The following IGSF11 variants were observed in gnomAD, a reference collection of about 807,000 sequenced individuals.
IGSF11 encodes immunoglobulin superfamily member 11, also known as CXADR like 1.
A neutral mutation model predicts 41.0 loss-of-function variants in IGSF11; 22 were observed. That is an observed-to-expected ratio of 0.54 (90% CI 0.38 to 0.77). IGSF11 has a LOEUF of 0.77. Ranked by LOEUF, IGSF11 falls within the 30% of genes least tolerant of loss-of-function variation. The pLI, the probability that IGSF11 is intolerant of heterozygous loss-of-function variation, is 0.00. For synonymous variants in IGSF11, 219 were observed against 201.3 expected (o/e 1.09, Z -0.74); for missense variants, 444 against 530.8 (o/e 0.84, Z 1.61).
At chr3:119,138,162 A>C (rs867558799) in intron 1 of IGSF11, among the ~76,000 whole-genome samples, 12,803 of 150,570 alleles carry the variant, frequency 0.085, 724 homozygotes, top group Admixed American at 0.17. Context: ...CCTCAACAAA[A>C]AAAAAAAAAA....
chr3:119,019,038 T>G (rs1033613269), intron 1 of IGSF11, among the ~76,000 whole-genome samples: 3 of 152,242 alleles, frequency 2.0e-5, no homozygotes, highest in African/African-American at 7.2e-5. Flanking sequence ...CTTCAAGTGA[T>G]GAAGCGAATA....
chr3:118,946,233 T>C (rs905432903), intron 1 of IGSF11, among the ~76,000 whole-genome samples: 28 of 150,914 alleles, frequency 1.9e-4, no homozygotes, highest in African/African-American at 6.3e-4. Context: ...CACAAACATA[T>C]ATATATATAT....
At chr3:118,906,120 G>A (rs549117667) in intron 4 of IGSF11, among the ~76,000 whole-genome samples, 18 of 152,300 alleles carry the variant, frequency 1.2e-4, no homozygotes, top group Admixed American at 7.8e-4. Context: ...CTTCATACCT[G>A]ATGAAGAAAA....
chr3:119,030,389 C>G (rs1195743849), intron 1 of IGSF11, among the ~76,000 whole-genome samples: 3 of 152,036 alleles, frequency 2.0e-5, no homozygotes, highest in Non-Finnish European at 4.4e-5. Context: ...AGATCATTGG[C>G]TGAGTCTATT....
intron 6 of IGSF11, among the ~76,000 whole-genome samples, chr3:118,904,127 C>T (rs543629617): frequency 1.1e-4 from 17 of 152,230 alleles, no homozygotes; most frequent in South Asian, 1.0e-3. Flanking sequence ...AGACTGAGCC[C>T]GAACCCTCAA....
chr3:119,133,438 A>C (rs2077512639), intron 1 of IGSF11, among the ~76,000 whole-genome samples: 1 of 152,218 alleles, frequency 6.6e-6, no homozygotes, highest in Non-Finnish European at 1.5e-5. Context: ...AATACTATAA[A>C]CACCTCTATG....
At chr3:119,022,932 GCAGCATTATT>G (rs1484613347) in intron 1 of IGSF11, among the ~76,000 whole-genome samples, 1 of 152,006 alleles carries the variant, frequency 6.6e-6, no homozygotes, top group Non-Finnish European at 1.5e-5. Flanking sequence ...AACATTTGCA[GCAGCATTATT>G]CATTGTAGGC....
intron 1 of IGSF11, among the ~76,000 whole-genome samples, chr3:118,973,202 T>G (rs1432226852): frequency 6.6e-6 from 1 of 152,128 alleles, no homozygotes; most frequent in Non-Finnish European, 1.5e-5. Context: ...TCTTGCCCAT[T>G]AGCACATGCC....
chr3:119,016,018 G>A (rs879914369), intron 1 of IGSF11, among the ~76,000 whole-genome samples: 4 of 152,222 alleles, frequency 2.6e-5, no homozygotes, highest in Admixed American at 2.0e-4. Flanking sequence ...GAGTGAGGGA[G>A]GACATAAAGA....
chr3:119,084,055 G>A (rs1406815688), intron 1 of IGSF11, among the ~76,000 whole-genome samples: 1 of 152,116 alleles, frequency 6.6e-6, no homozygotes, highest in African/African-American at 2.4e-5. Flanking sequence ...CTAGGCTAAT[G>A]TGTGTGTCTG....
chr3:118,906,722 A>G (rs553110513), intron 4 of IGSF11, among the ~76,000 whole-genome samples: 10 of 152,350 alleles, frequency 6.6e-5, no homozygotes, highest in African/African-American at 2.4e-4. Flanking sequence ...TAGTTTGATT[A>G]TTTATTCCTA....
intron 1 of IGSF11, among the ~76,000 whole-genome samples, chr3:118,971,590 G>A (rs144515832): frequency 0.012 from 1,790 of 152,182 alleles, 39 homozygotes; most frequent in African/African-American, 0.04. Flanking sequence ...GCATCACGAG[G>A]TCAGGGGTTC....
Position 118,905,822 on chromosome 3 carries a change from A to C in IGSF11, c.581-104T>G, listed in dbSNP as rs149686015. 1,566 of 1,317,582 alleles carry C rather than the reference A, an allele frequency of 1.2e-3. 27 individuals are homozygous for C. The African/African-American group carries it at 0.019, about 16-fold the overall frequency. The allele number at this position is 1,317,582 out of a possible 1,614,324, so 81.6% of individuals were successfully genotyped here. On this transcript the variant is annotated intron_variant, in intron 4 of 6. Coordinates refer to ENST00000393775, the MANE Select transcript of IGSF11 (RefSeq NM_001015887.3). Reference sequence around the variant, plus strand: ...AACAGACGAACACTGGAGAGCTATCAATAAATTTCTTTTTTGTGGGGGTAG... The same window carrying C: ...AACAGACGAACACTGGAGAGCTATCCATAAATTTCTTTTTTGTGGGGGTAG...
intron 1 of IGSF11, among the ~76,000 whole-genome samples, chr3:119,142,676 A>C (rs1265757209): frequency 6.6e-6 from 1 of 152,140 alleles, no homozygotes; most frequent in Non-Finnish European, 1.5e-5. Context: ...AGGGAAAGAA[A>C]AAATATTTAA....
At chr3:119,029,412 C>T (rs1940184350) in intron 1 of IGSF11, among the ~76,000 whole-genome samples, 1 of 152,122 alleles carries the variant, frequency 6.6e-6, no homozygotes, top group Non-Finnish European at 1.5e-5. Flanking sequence ...CATACCCCAC[C>T]AATGCTCAGC....
chr3:119,130,228 G>A (rs1165794077), intron 1 of IGSF11, among the ~76,000 whole-genome samples: 2 of 152,166 alleles, frequency 1.3e-5, no homozygotes, highest in Admixed American at 6.5e-5. Flanking sequence ...GCAGCCCACA[G>A]AGGGTGAGCC....
At chr3:118,959,530 CCAAA>C (rs1177996380) in intron 1 of IGSF11, among the ~76,000 whole-genome samples, 1 of 152,118 alleles carries the variant, frequency 6.6e-6, no homozygotes, top group Non-Finnish European at 1.5e-5. Context: ...CGTGACCCAA[CCAAA>C]CAAAGGACTA....
chr3:118,925,131 A>G lies in IGSF11; in HGVS notation c.580+970T>C, dbSNP rs1016957445. Among the ~76,000 whole-genome samples, 18 of 152,308 alleles carry G rather than the reference A, an allele frequency of 1.2e-4. 1 individual carries two copies. Among genetic ancestry groups the G allele is most frequent in the Admixed American group, 3.9e-4 (6 of 15,298 alleles). ...GATGAATTTGAGGCTAGGTTAATTAAAAGACTATTGTAAGGTCCATCAACA... is the reference window on the plus strand; with the variant it reads ...GATGAATTTGAGGCTAGGTTAATTAGAAGACTATTGTAAGGTCCATCAACA... On this transcript the variant is annotated intron_variant, in intron 4 of 6. Coordinates refer to ENST00000393775, the MANE Select transcript of IGSF11 (RefSeq NM_001015887.3).
At chr3:118,922,866 G>A (rs914166844) in intron 4 of IGSF11, among the ~76,000 whole-genome samples, 1 of 152,022 alleles carries the variant, frequency 6.6e-6, no homozygotes, top group Non-Finnish European at 1.5e-5. Flanking sequence ...GGTGGTCTGG[G>A]ACCAACTCAG....
Sources: gnomAD v4.1 joint callset for allele counts (sites outside exome capture counted in the v4.1 genomes callset) on GRCh38, gnomAD v4.1.1 for gene constraint, MANE v1.5 for transcripts, NCBI Gene and HGNC (gene_info 2026-07-23, HGNC 2026-07-21) for gene names.